Variants in SPMIP2 observed in about 807,000 individuals in gnomAD.
SPMIP2 encodes sperm microtubule inner protein 2.
chr4:158,935,990 A>G, the SPMIP2 span, among the ~76,000 whole-genome samples: 2 of 152,200 alleles, frequency 1.3e-5, no homozygotes, highest in Non-Finnish European at 2.9e-5. Flanking sequence ...TCACGACCAA[A>G]CAATTCAATG....
the SPMIP2 span, among the ~76,000 whole-genome samples, chr4:158,913,755 C>G: frequency 3.8e-3 from 573 of 151,666 alleles, 5 homozygotes; most frequent in African/African-American, 0.013. Flanking sequence ...ATTGTTTGAA[C>G]CCAGGAGTTC....
the SPMIP2 span, among the ~76,000 whole-genome samples, chr4:159,027,760 A>G: frequency 6.6e-6 from 1 of 152,258 alleles, no homozygotes; most frequent in Non-Finnish European, 1.5e-5. Context: ...AGAGCAAAAA[A>G]TAAGATGAAT....
At chr4:158,910,336 C>CG in the SPMIP2 span, among the ~76,000 whole-genome samples, 1 of 151,212 alleles carries the variant, frequency 6.6e-6, no homozygotes, top group African/African-American at 2.4e-5. Flanking sequence ...TGCAATGGCA[C>CG]GTTCTTGGCT....
At chr4:159,051,528 A>C in the SPMIP2 span, among the ~76,000 whole-genome samples, 2 of 152,356 alleles carry the variant, frequency 1.3e-5, no homozygotes, top group African/African-American at 4.8e-5. Context: ...ACCAAATGCA[A>C]AGCAGAGACC....
At chr4:158,930,275 A>G in the SPMIP2 span, among the ~76,000 whole-genome samples, 1 of 151,732 alleles carries the variant, frequency 6.6e-6, no homozygotes, top group African/African-American at 2.4e-5. Context: ...GCAGTGGTAC[A>G]ATCACAGCTC....
chr4:158,900,854 T>C, the SPMIP2 span, among the ~76,000 whole-genome samples: 1 of 152,248 alleles, frequency 6.6e-6, no homozygotes, highest in Non-Finnish European at 1.5e-5. Context: ...AATATTGTTA[T>C]ATGTGAATGT....
chr4:159,074,569 T>C, the SPMIP2 span, among the ~76,000 whole-genome samples: 1 of 152,062 alleles, frequency 6.6e-6, no homozygotes, highest in African/African-American at 2.4e-5. Context: ...TGGCTTAGAG[T>C]GCAGCTTCAC....
At chr4:159,035,485 T>A in the SPMIP2 span, among the ~76,000 whole-genome samples, 2 of 152,284 alleles carry the variant, frequency 1.3e-5, no homozygotes, top group East Asian at 3.9e-4. Flanking sequence ...TGCAGAAATA[T>A]GTTACAGCAA....
At chr4:158,905,034 T>C in the SPMIP2 span, 1 of 153,468 alleles carries the variant, frequency 6.5e-6, no homozygotes, top group Admixed American at 6.4e-5. Context: ...GGTCACAGTT[T>C]GCTTTTTAGA....
At chr4:159,078,933 C>T in the SPMIP2 span, among the ~76,000 whole-genome samples, 10 of 152,174 alleles carry the variant, frequency 6.6e-5, no homozygotes, top group South Asian at 1.9e-3. Flanking sequence ...GCTTGGCCAA[C>T]ACAGTGAAAC....
At chr4:158,979,616 C>T in the SPMIP2 span, among the ~76,000 whole-genome samples, 3 of 152,122 alleles carry the variant, frequency 2.0e-5, no homozygotes, top group East Asian at 5.8e-4. Flanking sequence ...AGGGAAGCCA[C>T]GTGGGACTGT....
the SPMIP2 span, among the ~76,000 whole-genome samples, chr4:158,894,931 T>G: frequency 6.6e-6 from 1 of 152,210 alleles, no homozygotes. Context: ...TCTGTTAATC[T>G]TTTTACCTTG....
chr4:159,080,585 C>T, the SPMIP2 span, among the ~76,000 whole-genome samples: 5 of 152,132 alleles, frequency 3.3e-5, no homozygotes, highest in East Asian at 1.9e-4. Context: ...ATTAAAGCAG[C>T]GATTCCCCAT....
chr4:158,918,277 C>T, the SPMIP2 span, among the ~76,000 whole-genome samples: 1 of 152,230 alleles, frequency 6.6e-6, no homozygotes, highest in African/African-American at 2.4e-5. Flanking sequence ...ACCCCACCTG[C>T]TCTACAGCCT....
the SPMIP2 span, among the ~76,000 whole-genome samples, chr4:158,996,248 T>C: frequency 6.6e-6 from 1 of 152,306 alleles, no homozygotes; most frequent in African/African-American, 2.4e-5. Context: ...CCTTGGACTT[T>C]TAGTTGAAAA....
chr4:158,894,378 C>G, the SPMIP2 span, among the ~76,000 whole-genome samples: 1 of 151,918 alleles, frequency 6.6e-6, no homozygotes, highest in Non-Finnish European at 1.5e-5. Context: ...CACTATGTTG[C>G]CTAGGTTGGT....
At chr4:159,080,884 C>T in the SPMIP2 span, among the ~76,000 whole-genome samples, 8 of 151,528 alleles carry the variant, frequency 5.3e-5, no homozygotes, top group South Asian at 2.1e-4. Context: ...CCACCATGCC[C>T]GGCTAATTTT....
chr4:159,073,989 A>G, the SPMIP2 span, among the ~76,000 whole-genome samples: 4 of 152,128 alleles, frequency 2.6e-5, no homozygotes, highest in African/African-American at 7.2e-5. Flanking sequence ...TGGGTGACAG[A>G]GTGAGACTCT....
the SPMIP2 span, among the ~76,000 whole-genome samples, chr4:158,957,442 T>G: frequency 2.0e-5 from 3 of 151,340 alleles, no homozygotes; most frequent in East Asian, 5.9e-4. Flanking sequence ...CTTTTTTCTT[T>G]TTTTGAGACA....
Sources: gnomAD v4.1 joint callset for allele counts (sites outside exome capture counted in the v4.1 genomes callset) on GRCh38, gnomAD v4.1.1 for gene constraint, MANE v1.5 for transcripts, NCBI Gene and HGNC (gene_info 2026-07-23, HGNC 2026-07-21) for gene names.